Variants in DENND2B observed in about 807,000 individuals in gnomAD.
DENND2B encodes the protein DENN domain containing 2B.
Under a neutral mutation model 116.0 loss-of-function variants are expected in DENND2B, and 32 were observed. The ratio of observed to expected loss-of-function variants is 0.28; its 90% CI spans 0.21 to 0.37. The LOEUF (loss-of-function observed/expected upper bound fraction) is 0.37. Ranked by LOEUF, DENND2B falls within the 10% of genes least tolerant of loss-of-function variation. The probability of loss-of-function intolerance (pLI) is 1.00; values close to 1 mark genes in which losing one functional copy is unlikely to be tolerated. For missense variants in DENND2B, 1,276 were observed against 1,477.7 expected (o/e 0.86, Z 2.24); for synonymous variants, 588 against 583.9 (o/e 1.01, Z -0.10).
chr11:8,758,510 TTA>T (rs2054005014), intron 1 of DENND2B, among the ~76,000 whole-genome samples: 1 of 152,184 alleles, frequency 6.6e-6, no homozygotes, highest in Non-Finnish European at 1.5e-5. Context: ...GAAAAAGAGT[TTA>T]TATCAGTCAT....
intron 4 of DENND2B, among the ~76,000 whole-genome samples, chr11:8,720,205 G>A (rs1279675871): frequency 6.6e-6 from 1 of 152,114 alleles, no homozygotes; most frequent in Non-Finnish European, 1.5e-5. Flanking sequence ...AACTTCCAAT[G>A]GCTTCTGAGT....
At chr11:8,698,137 CAA>C (rs33975736) in intron 16 of DENND2B, among the ~76,000 whole-genome samples, 344 of 39,764 alleles carry the variant, frequency 8.7e-3, no homozygotes, top group African/African-American at 0.012. Context: ...ACCCTGTCTC[CAA>C]AAAAAAAAAA....
At chr11:8,796,705 CT>C (rs57629135) in intron 1 of DENND2B, among the ~76,000 whole-genome samples, 3,078 of 152,226 alleles carry the variant, frequency 0.02, 95 homozygotes, top group African/African-American at 0.068. Flanking sequence ...CACTAGTTTA[CT>C]GACAAATTAC....
intron 2 of DENND2B, among the ~76,000 whole-genome samples, chr11:8,743,882 G>A (rs2050719281): frequency 6.6e-6 from 1 of 151,560 alleles, no homozygotes; most frequent in South Asian, 2.1e-4. Flanking sequence ...GAGGAGCTGG[G>A]ACTACAGGTA....
intron 4 of DENND2B, among the ~76,000 whole-genome samples, chr11:8,722,239 C>T (rs967916178): frequency 1.3e-5 from 2 of 152,236 alleles, no homozygotes; most frequent in African/African-American, 4.8e-5. Flanking sequence ...CCTCCACAAC[C>T]CCCATTCGAG....
chr11:8,826,603 T>G (rs186590111), intron 4 of DENND2B, among the ~76,000 whole-genome samples: 1 of 152,250 alleles, frequency 6.6e-6, no homozygotes, highest in African/African-American at 2.4e-5. Flanking sequence ...CAACATCCGG[T>G]TCTTATCCTA....
chr11:8,779,982 C>T (rs2058211284), intron 1 of DENND2B, among the ~76,000 whole-genome samples: 1 of 152,194 alleles, frequency 6.6e-6, no homozygotes, highest in Admixed American at 6.5e-5. Context: ...CAGTGTGGGC[C>T]AGGAGCTTGA....
At chr11:8,711,288 C>T in intron 9 of DENND2B, 57 bp from the exon 10 acceptor site, 2 of 1,517,930 alleles carry the variant, frequency 1.3e-6, no homozygotes, top group South Asian at 2.2e-5. Flanking sequence ...GTGGTGGTGG[C>T]TGAGAAGCCC....
At chr11:8,864,725 A>G (rs765820896) in intron 2 of DENND2B, among the ~76,000 whole-genome samples, 8 of 152,236 alleles carry the variant, frequency 5.3e-5, no homozygotes, top group Non-Finnish European at 1.2e-4. Flanking sequence ...AGGACACAAG[A>G]AAGGAAAAGT....
chr11:8,775,436 TC>T (rs1414293104), intron 1 of DENND2B, among the ~76,000 whole-genome samples: 1 of 152,124 alleles, frequency 6.6e-6, no homozygotes, highest in African/African-American at 2.4e-5. Context: ...GAGAGGCAGT[TC>T]CCGGGCTTCA....
At chr11:8,779,332 C>A (rs3850932) in intron 1 of DENND2B, among the ~76,000 whole-genome samples, 4 of 152,084 alleles carry the variant, frequency 2.6e-5, no homozygotes, top group Admixed American at 1.3e-4. Flanking sequence ...ACACCCATAG[C>A]GTTTTTCTCA....
At chr11:8,797,410 G>C (rs1489828678) in intron 1 of DENND2B, among the ~76,000 whole-genome samples, 1 of 151,794 alleles carries the variant, frequency 6.6e-6, no homozygotes, top group Non-Finnish European at 1.5e-5. Flanking sequence ...GATCCCTTCT[G>C]TTTCCTCATA....
At chr11:8,827,239 G>A (rs768199423) in intron 4 of DENND2B, among the ~76,000 whole-genome samples, 5 of 152,230 alleles carry the variant, frequency 3.3e-5, no homozygotes, top group Admixed American at 6.5e-5. Flanking sequence ...AGCTGTGAAC[G>A]ACTGAGAGGA....
upstream of DENND2B, among the ~76,000 whole-genome samples, chr11:8,874,941 G>C (rs2063826606): frequency 6.6e-6 from 1 of 151,310 alleles, no homozygotes; most frequent in South Asian, 2.1e-4. Context: ...AAGGTATTGG[G>C]GCTGTGGGGC....
At chr11:8,734,065 G>A (rs1281861223) in intron 2 of DENND2B, among the ~76,000 whole-genome samples, 1 of 152,196 alleles carries the variant, frequency 6.6e-6, no homozygotes, top group African/African-American at 2.4e-5. Flanking sequence ...ATATCACAGA[G>A]AAGGCACCAG....
intron 4 of DENND2B, among the ~76,000 whole-genome samples, chr11:8,829,316 A>G (rs2062113543): frequency 6.6e-6 from 1 of 152,114 alleles, no homozygotes; most frequent in Admixed American, 6.6e-5. Context: ...GACTGGCCAC[A>G]GCGCAATTCA....
At chr11:8,851,991 A>T (rs1445506087) in intron 3 of DENND2B, among the ~76,000 whole-genome samples, 1 of 152,182 alleles carries the variant, frequency 6.6e-6, no homozygotes, top group Non-Finnish European at 1.5e-5. Context: ...GCCCAAAGCC[A>T]CCAGTAGAGG....
intron 1 of DENND2B, chr11:8,774,164 T>C (rs2134203547): frequency 1.0e-6 from 1 of 985,506 alleles, no homozygotes; most frequent in Non-Finnish European, 1.2e-6. Flanking sequence ...GCAGTTTCTC[T>C]GCTCAGTCAG....
intron 1 of DENND2B, among the ~76,000 whole-genome samples, chr11:8,787,920 C>A (rs75022615): frequency 0.015 from 2,326 of 152,314 alleles, 30 homozygotes; most frequent in Middle Eastern, 0.071. Flanking sequence ...CTTCTTTCCT[C>A]TAAGTTTGAT....
Sources: gnomAD v4.1 joint callset for allele counts (sites outside exome capture counted in the v4.1 genomes callset) on GRCh38, gnomAD v4.1.1 for gene constraint, MANE v1.5 for transcripts, NCBI Gene and HGNC (gene_info 2026-07-23, HGNC 2026-07-21) for gene names.